Variants in CNTN4 observed in about 807,000 individuals in gnomAD.
CNTN4 encodes contactin-4.
CNTN4 carries 77 observed loss-of-function variants against 122.5 expected under a neutral mutation model. That is an observed-to-expected ratio of 0.63 (90% confidence interval 0.52 to 0.76). The LOEUF (loss-of-function observed/expected upper bound fraction) is 0.76, where lower values mean the gene tolerates loss of function less well. Among genes scored for constraint, CNTN4 ranks in the 30% least tolerant of loss-of-function variants. The pLI, the probability that CNTN4 is intolerant of heterozygous loss-of-function variation, is 0.00. For synonymous variants in CNTN4, 512 were observed against 447.0 expected, an observed-to-expected ratio of 1.15 and a Z score of -1.83; for missense variants, 1,256 against 1,259.1, an observed-to-expected ratio of 1.00 and a Z score of 0.04.
At chr3:2,104,853 A>G (rs2032302310) in intron 2 of CNTN4, among the ~76,000 whole-genome samples, 1 of 152,208 alleles carries the variant, frequency 6.6e-6, no homozygotes, top group Non-Finnish European at 1.5e-5. Context: ...AAAAGAGAGC[A>G]TGGATTTTGG....
At chr3:2,416,291 C>G (rs1284064168) in intron 3 of CNTN4, among the ~76,000 whole-genome samples, 3 of 152,034 alleles carry the variant, frequency 2.0e-5, no homozygotes, top group Admixed American at 6.6e-5. Context: ...TTACATTAGC[C>G]CTAATTAACT....
chr3:2,494,677 C>T (rs1406748220), intron 3 of CNTN4, among the ~76,000 whole-genome samples: 4 of 152,246 alleles, frequency 2.6e-5, no homozygotes, highest in Middle Eastern at 6.8e-3. Flanking sequence ...AACAGCTTTT[C>T]GGGGTCATTT....
intron 3 of CNTN4, among the ~76,000 whole-genome samples, chr3:2,452,098 C>G (rs796390583): frequency 1.8e-4 from 28 of 152,060 alleles, no homozygotes; most frequent in African/African-American, 6.8e-4. Context: ...ATAACCCTAT[C>G]CAGAATTGAC....
At chr3:3,052,766 G>T (rs163567) in intron 23 of CNTN4, among the ~76,000 whole-genome samples, 27,944 of 152,150 alleles carry the variant, frequency 0.18, 3,098 homozygotes, top group African/African-American at 0.3. Flanking sequence ...TATGTCCAGG[G>T]TGACAATGGT....
intron 2 of CNTN4, among the ~76,000 whole-genome samples, chr3:2,262,626 C>CAT (rs1312925506): frequency 1.8e-5 from 1 of 56,850 alleles, no homozygotes; most frequent in Non-Finnish European, 3.5e-5. Context: ...CTTGCTGTTC[C>CAT]GTGTTTTTTT....
chr3:2,260,186 T>G (rs562854121), intron 2 of CNTN4, among the ~76,000 whole-genome samples: 1 of 152,228 alleles, frequency 6.6e-6, no homozygotes, highest in Admixed American at 6.5e-5. Flanking sequence ...ATCCTGTAGC[T>G]GAAGTTTCTC....
At chr3:2,225,876 ACC>A (rs1246001243) in intron 2 of CNTN4, among the ~76,000 whole-genome samples, 4 of 152,214 alleles carry the variant, frequency 2.6e-5, no homozygotes, top group African/African-American at 9.6e-5. Context: ...GGATAGAGTG[ACC>A]CTGCTGTAGT....
intron 3 of CNTN4, among the ~76,000 whole-genome samples, chr3:2,532,254 G>GT (rs900585270): frequency 7.2e-5 from 11 of 151,998 alleles, no homozygotes; most frequent in African/African-American, 1.2e-4. Context: ...TTGGGGTTTT[G>GT]TTTTTTGTTT....
intron 7 of CNTN4, among the ~76,000 whole-genome samples, chr3:2,864,740 C>CAAAAAAAAAAA (rs56398439): frequency 9.1e-5 from 5 of 54,698 alleles, no homozygotes; most frequent in Admixed American, 2.3e-4. Flanking sequence ...AACTCCATCT[C>CAAAAAAAAAAA]AAAAAAAAAA....
chr3:2,336,485 C>T (rs1482554945), intron 2 of CNTN4, among the ~76,000 whole-genome samples: 3 of 152,064 alleles, frequency 2.0e-5, no homozygotes, highest in Non-Finnish European at 4.4e-5. Flanking sequence ...ATTCATTGCT[C>T]ACTTATTTGT....
chr3:2,324,199 A>AG (rs2043369613), intron 2 of CNTN4, among the ~76,000 whole-genome samples: 1 of 152,162 alleles, frequency 6.6e-6, no homozygotes, highest in Non-Finnish European at 1.5e-5. Flanking sequence ...ATGAAATCCC[A>AG]GGGGCAGGGT....
At chr3:2,730,433 C>T (rs2088597306) in intron 4 of CNTN4, among the ~76,000 whole-genome samples, 1 of 151,772 alleles carries the variant, frequency 6.6e-6, no homozygotes. Context: ...TTTCTTGACA[C>T]ACTTTGAGAA....
In CNTN4 at chr3:2,709,787, A is replaced by G. The variant is rs1034620769; in HGVS notation, c.56-26428A>G. ...AAATTAGCCAGGCGTGGTGGTGCAC[A>G]CCTGTAGTCCCAGCTACTTGGGAGG... is the stretch of plus-strand genomic sequence containing the variant. On this transcript the variant is annotated intron_variant, in intron 4 of 24. Coordinates refer to ENST00000418658, the MANE Select transcript of CNTN4 (RefSeq NM_175607.3). The surrounding 1 kb of genome is among the most constrained non-coding windows in gnomAD (Gnocchi z 5.0). 1.3e-5 allele frequency among the ~76,000 whole-genome samples: 2 copies of G among 151,896 alleles called. No individual in the cohort carries two copies. The highest frequency in any genetic ancestry group is 2.1e-4 in the South Asian group (1 of 4,816).
chr3:2,681,509 G>A (rs1020027248), intron 4 of CNTN4, among the ~76,000 whole-genome samples: 4 of 152,072 alleles, frequency 2.6e-5, no homozygotes, highest in African/African-American at 9.7e-5. Context: ...CCAAAAACAA[G>A]TAGATGCCAC....
intron 2 of CNTN4, among the ~76,000 whole-genome samples, chr3:2,251,794 C>T (rs1153505): frequency 0.99 from 150,556 of 151,888 alleles, 74,630 homozygotes; most frequent in Middle Eastern, 1. Context: ...ACACCACAGA[C>T]TGTATTAGAA....
chr3:3,057,685 C>G lies in CNTN4; in HGVS notation c.*1465C>G, dbSNP rs187898870. ...TATATTTATCCAATAAAGTCATAAT[C>G]GGGATTCCATTTGTGTAAAAACTAG... On this transcript the variant is annotated 3_prime_UTR_variant, in exon 25 of 25. Transcript: ENST00000418658. 6.6e-6 allele frequency: 1 copy of G among 152,416 alleles called. No individual in the cohort carries two copies. The highest frequency in any genetic ancestry group is 1.5e-5 in the Non-Finnish European group (1 of 67,998). 9.4% of individuals were successfully genotyped at this position (152,416 alleles called of 1,614,324 possible). A position where few individuals can be genotyped will look rare whatever the true frequency, so the allele number is the denominator to read the frequency against.
At chr3:2,778,074 C>T (rs554290619) in intron 6 of CNTN4, among the ~76,000 whole-genome samples, 82 of 147,512 alleles carry the variant, frequency 5.6e-4, no homozygotes, top group African/African-American at 1.8e-3. Flanking sequence ...ATTAGCCGGG[C>T]GTGGTGGCGG....
At chr3:2,200,015 A>T (rs1449828715) in intron 2 of CNTN4, among the ~76,000 whole-genome samples, 1 of 152,178 alleles carries the variant, frequency 6.6e-6, no homozygotes, top group Non-Finnish European at 1.5e-5. Flanking sequence ...TTTATTCTTG[A>T]TGCAATGGGA....
intron 4 of CNTN4, among the ~76,000 whole-genome samples, chr3:2,591,899 G>T (rs2080511741): frequency 6.6e-6 from 1 of 151,932 alleles, no homozygotes; most frequent in Non-Finnish European, 1.5e-5. Flanking sequence ...ATTTTTTGAG[G>T]CAGGGTCTCG....
Sources: gnomAD v4.1 joint callset for allele counts (sites outside exome capture counted in the v4.1 genomes callset) on GRCh38, gnomAD v4.1.1 for gene constraint, Gnocchi (gnomAD v3.1) non-coding constraint, MANE v1.5 for transcripts, NCBI Gene and HGNC (gene_info 2026-07-23, HGNC 2026-07-21) for gene names.